Variants in SAMD12 observed in about 807,000 individuals in gnomAD.
SAMD12 encodes the protein sterile alpha motif domain-containing protein 12.
A neutral mutation model predicts 15.0 loss-of-function variants in SAMD12; 9 were observed. The observed-to-expected ratio is 0.60, with a 90% CI of 0.36 to 1.05. The LOEUF (loss-of-function observed/expected upper bound fraction) is 1.05. SAMD12 is among the 50% of genes least tolerant of loss of function. The pLI is 0.01. For synonymous variants in SAMD12, 86 were observed against 90.1 expected, an observed-to-expected ratio of 0.96 and a Z score of 0.25; for missense variants, 230 against 234.2, an observed-to-expected ratio of 0.98 and a Z score of 0.12.
intron 4 of SAMD12, among the ~76,000 whole-genome samples, chr8:118,217,804 G>A (rs17485064): frequency 4.1e-4 from 62 of 152,264 alleles, no homozygotes; most frequent in African/African-American, 1.4e-3. Flanking sequence ...CCAACCATCT[G>A]CACCCTCCAT....
At chr8:118,286,959 A>G (rs998455556) in intron 4 of SAMD12, among the ~76,000 whole-genome samples, 3 of 152,014 alleles carry the variant, frequency 2.0e-5, no homozygotes, top group African/African-American at 7.3e-5. Context: ...GAAGCACCTC[A>G]CTCATTCCTG....
chr8:118,587,504 C>T (rs1563599173), intron 1 of SAMD12, among the ~76,000 whole-genome samples: 1 of 152,192 alleles, frequency 6.6e-6, no homozygotes, highest in Non-Finnish European at 1.5e-5. Flanking sequence ...CTTGCAGCTA[C>T]AAGTGAGGTT....
chr8:118,400,107 A>AAGT (rs2130783885), intron 3 of SAMD12, among the ~76,000 whole-genome samples: 1 of 152,224 alleles, frequency 6.6e-6, no homozygotes, highest in East Asian at 1.9e-4. Context: ...GTAAATCATA[A>AAGT]ATACCTATGT....
chr8:118,457,832 C>T (rs997643839), intron 2 of SAMD12, among the ~76,000 whole-genome samples: 4 of 152,198 alleles, frequency 2.6e-5, no homozygotes, highest in African/African-American at 9.6e-5. Context: ...CCAATCAGCA[C>T]ACACATGTCT....
chr8:118,479,410 C>T (rs1230422513), intron 2 of SAMD12, among the ~76,000 whole-genome samples: 1 of 152,200 alleles, frequency 6.6e-6, no homozygotes, highest in Non-Finnish European at 1.5e-5. Context: ...AAAGGCACCT[C>T]TTACATGGCA....
intron 3 of SAMD12, among the ~76,000 whole-genome samples, chr8:118,436,566 G>A (rs1011402756): frequency 1.2e-4 from 18 of 152,154 alleles, no homozygotes; most frequent in African/African-American, 4.3e-4. Context: ...CTTCCTCAAT[G>A]AGCATGATAG....
At chr8:118,305,184 C>T (rs562201590) in intron 4 of SAMD12, among the ~76,000 whole-genome samples, 3 of 137,160 alleles carry the variant, frequency 2.2e-5, no homozygotes, top group Admixed American at 7.6e-5. Context: ...AAGTCCAGTT[C>T]AGTGGCATTA....
chr8:118,379,489 C>G lies in SAMD12; in HGVS notation c.534G>C (p.Gln178His). 4 of 1,613,878 alleles carry G rather than the reference C, an allele frequency of 2.5e-6. No homozygotes were observed. The highest frequency in any genetic ancestry group is 3.4e-6 in the Non-Finnish European group (4 of 1,179,852). The change falls in exon 4 of 4, where the codon CAG (glutamine) becomes CAC (histidine). Residue 178 changes from glutamine to histidine, a missense_variant. Coordinates refer to ENST00000314727, the MANE Select transcript of SAMD12 (RefSeq NM_207506.3). ...IRRKTTLLLG[Q>H]TGVRENLLLF... ...ATAACAAATTCTCCCTGACTCCTGT[C>G]TGTCCTAATAGTAAGGTGGTCTTTC... is the stretch of plus-strand genomic sequence containing the variant.
At chr8:118,240,126 C>T (rs1812531671) in intron 4 of SAMD12, among the ~76,000 whole-genome samples, 1 of 152,066 alleles carries the variant, frequency 6.6e-6, no homozygotes, top group Non-Finnish European at 1.5e-5. Context: ...AACTCAGCAG[C>T]CCTGTAGAGA....
At chr8:118,618,654 A>G (rs776774968) in intron 1 of SAMD12, among the ~76,000 whole-genome samples, 1 of 152,078 alleles carries the variant, frequency 6.6e-6, no homozygotes, top group Non-Finnish European at 1.5e-5. Context: ...CCTGGCTAAC[A>G]TGGTGAAACT....
chr8:118,555,876 T>C (rs1303996322), intron 2 of SAMD12, among the ~76,000 whole-genome samples: 1 of 152,220 alleles, frequency 6.6e-6, no homozygotes, highest in Non-Finnish European at 1.5e-5. Flanking sequence ...GGGTAATAGT[T>C]ACAATTGGAT....
At chr8:118,457,836 C>A (rs1390010935) in intron 2 of SAMD12, among the ~76,000 whole-genome samples, 1 of 152,210 alleles carries the variant, frequency 6.6e-6, no homozygotes, top group Admixed American at 6.5e-5. Context: ...TCAGCACACA[C>A]ATGTCTTGGC....
At chr8:118,146,890 A>C in the SAMD12 span, among the ~76,000 whole-genome samples, 1 of 152,210 alleles carries the variant, frequency 6.6e-6, no homozygotes, top group African/African-American at 2.4e-5. Flanking sequence ...AAATAATCAT[A>C]AATTTGAAGA....
At chr8:118,191,795 TATATATATATATATATAGAGAG>T (rs1165221851) in exon 5 of SAMD12, 13 of 49,758 alleles carry the variant, frequency 2.6e-4, no homozygotes, top group African/African-American at 7.2e-4. Flanking sequence ...TATATATATA[TATATATATATATATATAGAGAG>T]AGAGAGAGAG....
chr8:118,357,378 C>T (rs1818283077), intron 4 of SAMD12, among the ~76,000 whole-genome samples: 1 of 152,124 alleles, frequency 6.6e-6, no homozygotes, highest in Admixed American at 6.5e-5. Context: ...GCTGGGATTA[C>T]AGGTATGCAC....
At chr8:118,517,673 CA>C (rs1431505659) in intron 2 of SAMD12, among the ~76,000 whole-genome samples, 1 of 152,212 alleles carries the variant, frequency 6.6e-6, no homozygotes, top group Non-Finnish European at 1.5e-5. Flanking sequence ...CAGAAGCAAT[CA>C]CACACACATT....
intron 3 of SAMD12, among the ~76,000 whole-genome samples, chr8:118,416,582 T>C (rs1460206029): frequency 1.3e-5 from 2 of 152,222 alleles, no homozygotes; most frequent in Non-Finnish European, 2.9e-5. Context: ...GGAATTGTCC[T>C]ACGTGAAAAT....
At chr8:118,262,620 C>A (rs1215881002) in intron 4 of SAMD12, among the ~76,000 whole-genome samples, 1 of 152,074 alleles carries the variant, frequency 6.6e-6, no homozygotes, top group African/African-American at 2.4e-5. Flanking sequence ...GGAAAAGAAG[C>A]AGTTTACAAT....
intron 2 of SAMD12, among the ~76,000 whole-genome samples, chr8:118,489,222 C>T (rs1463022093): frequency 6.6e-6 from 1 of 152,102 alleles, no homozygotes; most frequent in African/African-American, 2.4e-5. Context: ...TACAGAACTT[C>T]TTTATATACT....
Sources: gnomAD v4.1 joint callset for allele counts (sites outside exome capture counted in the v4.1 genomes callset) on GRCh38, gnomAD v4.1.1 for gene constraint, MANE v1.5 for transcripts, NCBI Gene and HGNC (gene_info 2026-07-23, HGNC 2026-07-21) for gene names.